The following ZNF831 variants were observed in gnomAD, a reference collection of about 807,000 sequenced individuals.
ZNF831 encodes the protein zinc finger protein 831, also known as chromosome 20 open reading frame 174.
Under a neutral mutation model 95.8 loss-of-function variants are expected in ZNF831, and 59 were observed. The observed-to-expected ratio is 0.62, with a 90% CI of 0.50 to 0.77. ZNF831 has a LOEUF of 0.77. Among genes scored for constraint, ZNF831 ranks in the 30% least tolerant of loss-of-function variants. The pLI is 0.00. For synonymous variants in ZNF831, 961 were observed against 925.5 expected (o/e 1.04, Z -0.70); for missense variants, 2,205 against 2,164.0 (o/e 1.02, Z -0.38).
At chr20:59,167,003 C>G (rs1258658233) in intron 1 of ZNF831, among the ~76,000 whole-genome samples, 1 of 152,156 alleles carries the variant, frequency 6.6e-6, no homozygotes, top group Non-Finnish European at 1.5e-5. Context: ...AAATGGCCAC[C>G]CTTTTTTCCA....
At chr20:59,249,687 T>C (rs938362187) in intron 4 of ZNF831, among the ~76,000 whole-genome samples, 2 of 152,176 alleles carry the variant, frequency 1.3e-5, no homozygotes, top group African/African-American at 4.8e-5. Flanking sequence ...TTTCCCAAAC[T>C]GTGCACTTCT....
intron 4 of ZNF831, among the ~76,000 whole-genome samples, chr20:59,244,770 T>C (rs1228224741): frequency 6.6e-6 from 1 of 152,248 alleles, no homozygotes; most frequent in Non-Finnish European, 1.5e-5. Context: ...ATATGTTTTG[T>C]ATATAACTCT....
intron 1 of ZNF831, among the ~76,000 whole-genome samples, chr20:59,174,981 A>T (rs1253955017): frequency 6.6e-6 from 1 of 152,076 alleles, no homozygotes; most frequent in Non-Finnish European, 1.5e-5. Flanking sequence ...CCTTCATTCC[A>T]GGAGGATATT....
At chr20:59,212,872 C>T (rs569987729) in intron 4 of ZNF831, among the ~76,000 whole-genome samples, 6 of 152,164 alleles carry the variant, frequency 3.9e-5, no homozygotes, top group African/African-American at 9.7e-5. Context: ...GATTAATTTT[C>T]GCAATATCAT....
chr20:59,189,290 A>G (rs1214230917), intron 1 of ZNF831, among the ~76,000 whole-genome samples: 1 of 152,180 alleles, frequency 6.6e-6, no homozygotes, highest in African/African-American at 2.4e-5. Flanking sequence ...TAGTGCTTAC[A>G]TTTGAGACTG....
At chr20:59,213,147 A>G in intron 4 of ZNF831, among the ~76,000 whole-genome samples, 1 of 152,202 alleles carries the variant, frequency 6.6e-6, no homozygotes, top group Admixed American at 6.5e-5. Context: ...TGACCTAGCA[A>G]TTAAAGTAAA....
intron 1 of ZNF831, among the ~76,000 whole-genome samples, chr20:59,177,130 G>A (rs919457270): frequency 7.9e-5 from 12 of 152,160 alleles, no homozygotes; most frequent in African/African-American, 1.7e-4. Flanking sequence ...CAGCAATAAA[G>A]CTTTAGGCTT....
chr20:59,125,658 C>A lies in ZNF831; in HGVS notation c.-1425+2153C>A, dbSNP rs1283411890. ...GCAGATTTTGAAATCTCAGCTGTGT[C>A]AAGGAATTGGGGAAAAGCTCAGGGA... is the stretch of plus-strand genomic sequence containing the variant. On this transcript the variant is annotated intron_variant, in intron 1 of 7. Coordinates refer to the ZNF831 transcript ENST00000637017. Among the ~76,000 whole-genome samples, 4 of 152,146 alleles carry A rather than the reference C, an allele frequency of 2.6e-5. No homozygotes were observed. In the East Asian group the frequency reaches 7.7e-4, roughly 29 times the overall value.
intron 4 of ZNF831, among the ~76,000 whole-genome samples, chr20:59,210,376 C>T (rs2146645747): frequency 6.6e-6 from 1 of 152,254 alleles, no homozygotes; most frequent in South Asian, 2.1e-4. Context: ...GGATGGGGCT[C>T]CGCGGAGCCG....
At chr20:59,234,170 C>G (rs1440518639) in intron 4 of ZNF831, among the ~76,000 whole-genome samples, 1 of 152,206 alleles carries the variant, frequency 6.6e-6, no homozygotes, top group Non-Finnish European at 1.5e-5. Context: ...CACATGCTTT[C>G]ATGAGAGTTT....
chr20:59,140,255 A>T (rs892261092), intron 1 of ZNF831, among the ~76,000 whole-genome samples: 1 of 152,172 alleles, frequency 6.6e-6, no homozygotes, highest in Non-Finnish European at 1.5e-5. Context: ...GCCTCTGGCC[A>T]TTTAGAAAGC....
In ZNF831 at chr20:59,254,390, T is replaced by G. The variant is rs2146768909; in HGVS notation, c.4681T>G (p.Ser1561Ala). ...AATTTCAGATTCGGTTCCACTGGAG[T>G]CAACTGAAAAAACTCATCTTGAAAT... ...QRISDSVPLESTEKTHLEIPA... is the reference protein window; with the variant it reads ...QRISDSVPLEATEKTHLEIPA... Residue 1561 changes from serine (S) to alanine (A), a missense_variant, in exon 6 of 6, where the codon TCA becomes GCA. By Grantham distance (99) the Ser-to-Ala change is moderately conservative. Coordinates refer to ENST00000371030, the MANE Select transcript of ZNF831 (RefSeq NM_178457.3). This position sits in a 1 kb window ranked among gnomAD's most constrained non-coding sequence, Gnocchi z 4.5. 1 of 1,613,876 alleles carries G rather than the reference T, an allele frequency of 6.2e-7. No individual in the cohort carries two copies. Among genetic ancestry groups the G allele is most frequent in the Non-Finnish European group, 8.5e-7 (1 of 1,179,980 alleles).
At chr20:59,178,319 T>C (rs564628192) in intron 1 of ZNF831, among the ~76,000 whole-genome samples, 103 of 152,366 alleles carry the variant, frequency 6.8e-4, no homozygotes, top group African/African-American at 2.5e-3. Flanking sequence ...CTTTGGGAAT[T>C]TCTGAGAAGT....
intron 4 of ZNF831, among the ~76,000 whole-genome samples, chr20:59,235,618 A>G (rs259971): frequency 0.5 from 75,250 of 151,996 alleles, 19,540 homozygotes; most frequent in South Asian, 0.67. Flanking sequence ...GATGAACTAT[A>G]TTAGAATCCT....
At chr20:59,127,812 G>A (rs1979222350) in intron 1 of ZNF831, among the ~76,000 whole-genome samples, 1 of 152,236 alleles carries the variant, frequency 6.6e-6, no homozygotes, top group Non-Finnish European at 1.5e-5. Context: ...GCCTGCCCGT[G>A]GAACTTTTCT....
intron 4 of ZNF831, among the ~76,000 whole-genome samples, chr20:59,244,049 G>T (rs932772755): frequency 6.6e-6 from 1 of 152,028 alleles, no homozygotes; most frequent in African/African-American, 2.4e-5. Flanking sequence ...CTTACCAAAA[G>T]ATTTTAAGCA....
chr20:59,201,117 C>T (rs1984500452), intron 3 of ZNF831, among the ~76,000 whole-genome samples: 1 of 152,114 alleles, frequency 6.6e-6, no homozygotes, highest in Admixed American at 6.5e-5. Flanking sequence ...ATGAGAGTTC[C>T]ATTTCTCTAC....
intron 4 of ZNF831, among the ~76,000 whole-genome samples, chr20:59,240,839 C>T (rs899331205): frequency 6.6e-6 from 1 of 151,932 alleles, no homozygotes; most frequent in Non-Finnish European, 1.5e-5. Context: ...AAAAATATTT[C>T]TAGGGAAATA....
chr20:59,125,674 AG>A (rs1979150704), intron 1 of ZNF831, among the ~76,000 whole-genome samples: 1 of 152,204 alleles, frequency 6.6e-6, no homozygotes, highest in Non-Finnish European at 1.5e-5. Context: ...ATTGGGGAAA[AG>A]CTCAGGGAGG....
Sources: gnomAD v4.1 joint callset for allele counts (sites outside exome capture counted in the v4.1 genomes callset) on GRCh38, gnomAD v4.1.1 for gene constraint, Gnocchi (gnomAD v3.1) non-coding constraint, MANE v1.5 for transcripts, NCBI Gene and HGNC (gene_info 2026-07-23, HGNC 2026-07-21) for gene names.